TMPRSS15: variants seen among roughly 807,000 people sequenced by gnomAD.
The protein encoded by TMPRSS15 is enteropeptidase.
A neutral mutation model predicts 125.3 loss-of-function variants in TMPRSS15; 128 were observed. That is an observed-to-expected ratio of 1.02 (90% CI 0.89 to 1.18). TMPRSS15 has a LOEUF of 1.18. Ranked by LOEUF, TMPRSS15 falls within the 50% of genes most tolerant of loss-of-function variation. The probability of loss-of-function intolerance (pLI) is 0.00; values close to 1 mark genes in which losing one functional copy is unlikely to be tolerated. For missense variants in TMPRSS15, 1,283 were observed against 1,212.7 expected, an observed-to-expected ratio of 1.06 and a Z score of -0.86; for synonymous variants, 446 against 423.2, an observed-to-expected ratio of 1.05 and a Z score of -0.66.
intron 1 of TMPRSS15, among the ~76,000 whole-genome samples, chr21:18,444,805 C>T (rs2076251254): frequency 6.6e-6 from 1 of 152,106 alleles, no homozygotes; most frequent in Non-Finnish European, 1.5e-5. Context: ...ACATTTTCCT[C>T]CTATTTAACT....
chr21:18,278,973 C>T lies in TMPRSS15; in HGVS notation c.2755G>A (p.Val919Ile). 3 of 755,080 alleles carry T rather than the reference C, an allele frequency of 4.0e-6. No homozygotes were observed. The highest frequency in any genetic ancestry group is 6.2e-6 in the Non-Finnish European group (3 of 485,942). The allele number at this position is 755,080 out of a possible 1,614,324, so 46.8% of individuals were successfully genotyped here. ...GAGTCTGATAATTTACCTTGATATA[C>T]AACCGTCCCCCAACCAGCAATAGAA... ...NCSIAGWGTV[V>I]YQGTTANILQ... The change falls in exon 23 of 25, where the codon GTA becomes ATA. Residue 919 changes from valine to isoleucine, a missense_variant. Val to Ile is a conservative substitution (Grantham distance 29, BLOSUM62 3). Transcript: ENST00000284885.
rs192022515 is a variant in TMPRSS15, at chr21:18,270,030, C to A, written c.2999G>T (p.Arg1000Leu). 2 of 1,613,890 alleles carry A rather than the reference C, an allele frequency of 1.2e-6. No individual in the cohort carries two copies. Among genetic ancestry groups the A allele is most frequent in the Non-Finnish European group, 1.7e-6 (2 of 1,179,894 alleles). ...TGAGACCCTGGCATACACTCCGGGG[C>A]GATTAGGCAGGGCACACTTGTATCC... ...SFGYKCALPN[R>L]PGVYARVSRF... The change falls in exon 25 of 25, where the codon CGC becomes CTC. Residue 1000 changes from arginine to leucine, a missense_variant. Physicochemically the swap from Arg to Leu is moderately radical, Grantham distance 102. Coordinates refer to ENST00000284885, the MANE Select transcript of TMPRSS15 (RefSeq NM_002772.3).
chr21:18,449,898 CA>C lies in TMPRSS15; in HGVS notation c.10+35900del, dbSNP rs1414721741. 6.2e-3 allele frequency among the ~76,000 whole-genome samples: 945 copies of C among 151,476 alleles called. 15 individuals carry two copies. The highest frequency in any genetic ancestry group is 0.022 in the African/African-American group (889 of 41,304). ...ACACGCACACACACACACACACACA[CA>C]CCTATATAAAATGGAAGAATAGCCT... On this transcript the variant is annotated intron_variant, in intron 1 of 7. Coordinates refer to the TMPRSS15 transcript ENST00000422787.
chr21:18,328,412 T>G (rs2075313587), intron 15 of TMPRSS15, among the ~76,000 whole-genome samples: 1 of 152,138 alleles, frequency 6.6e-6, no homozygotes, highest in South Asian at 2.1e-4. Context: ...TAGTTTGAAG[T>G]AAAATAAAAA....
intron 1 of TMPRSS15, among the ~76,000 whole-genome samples, chr21:18,413,360 CT>C (rs373084745): frequency 1.2e-3 from 88 of 73,398 alleles, no homozygotes; most frequent in East Asian, 3.6e-3. Context: ...TCCTTCCTTC[CT>C]TTCCTTCCTT....
intron 16 of TMPRSS15, among the ~76,000 whole-genome samples, chr21:18,323,548 T>C (rs561067140): frequency 1.4e-4 from 21 of 152,116 alleles, no homozygotes; most frequent in Non-Finnish European, 2.8e-4. Context: ...CAAGGTGAGA[T>C]CTGGGTGGGG....
chr21:18,353,121 A>G, intron 9 of TMPRSS15, 69 bp from the exon 10 acceptor site: 2 of 1,371,164 alleles, frequency 1.5e-6, no homozygotes, highest in South Asian at 1.2e-5. Context: ...ATTAGATTGT[A>G]TTGAAAATAA....
intron 5 of TMPRSS15, among the ~76,000 whole-genome samples, chr21:18,374,427 T>C (rs906612100): frequency 6.5e-5 from 9 of 137,474 alleles, no homozygotes; most frequent in East Asian, 2.1e-4. Context: ...GAGCCGAGAT[T>C]GCGCCACTGC....
chr21:18,434,110 A>C (rs926218174), intron 1 of TMPRSS15, among the ~76,000 whole-genome samples: 6 of 152,176 alleles, frequency 3.9e-5, no homozygotes, highest in Non-Finnish European at 7.4e-5. Flanking sequence ...ATGGCTTCAA[A>C]TATTTTATTT....
chr21:18,366,039 A>C (rs77699745), intron 6 of TMPRSS15, among the ~76,000 whole-genome samples: 3,679 of 152,156 alleles, frequency 0.024, 76 homozygotes, highest in Non-Finnish European at 0.041. Flanking sequence ...CATGCCCAAA[A>C]GCATTGTCTT....
At chr21:18,306,999 CATAA>C (rs1359754025) in intron 18 of TMPRSS15, among the ~76,000 whole-genome samples, 1 of 152,158 alleles carries the variant, frequency 6.6e-6, no homozygotes, top group Non-Finnish European at 1.5e-5. Flanking sequence ...ACCCTATCTG[CATAA>C]ATAATCTTGA....
intron 1 of TMPRSS15, among the ~76,000 whole-genome samples, chr21:18,439,521 A>C (rs1455453006): frequency 1.3e-5 from 2 of 152,222 alleles, no homozygotes; most frequent in African/African-American, 4.8e-5. Flanking sequence ...ATCAGAATAT[A>C]AAATATATAG....
At chr21:18,440,141 G>A (rs890909638) in intron 1 of TMPRSS15, among the ~76,000 whole-genome samples, 53 of 151,798 alleles carry the variant, frequency 3.5e-4, no homozygotes, top group Admixed American at 3.3e-3. Flanking sequence ...TTGGGAGGCC[G>A]AGACGGGCGG....
chr21:18,379,227 A>T (rs1157732762), intron 5 of TMPRSS15, 56 bp downstream of exon 5: 5 of 875,060 alleles, frequency 5.7e-6, no homozygotes, highest in Non-Finnish European at 8.0e-6. Flanking sequence ...CCTAAAATAA[A>T]ATGTATAAGA....
At chr21:18,327,660 C>A (rs539940824) in intron 15 of TMPRSS15, among the ~76,000 whole-genome samples, 1 of 152,238 alleles carries the variant, frequency 6.6e-6, no homozygotes, top group African/African-American at 2.4e-5. Context: ...ATCCTGACTG[C>A]ATATCTATTA....
In TMPRSS15 at chr21:18,294,440, A is replaced by T. The variant is rs772960321; in HGVS notation, c.2316T>A (p.Cys772Ter). 3.1e-6 allele frequency: 5 copies of T among 1,614,204 alleles called. No homozygotes were observed. Among genetic ancestry groups the T allele is most frequent in the Non-Finnish European group, 4.2e-6 (5 of 1,180,034 alleles). The change falls in exon 21 of 25, where the codon TGT becomes TGA. Residue 772 changes from cysteine (C) to a stop codon, truncating the protein, a stop_gained. Transcript: ENST00000284885. LOFTEE classifies it high-confidence loss of function. ...LIRLQCNHKS[C>*]GKKLAAQDIT... ...TGTCTTGAGCTGCCAGTTTTTTTCC[A>T]CAAGCTATTAAAATAATTGGAGAAA...
intron 4 of TMPRSS15, among the ~76,000 whole-genome samples, chr21:18,381,476 A>T (rs978227334): frequency 6.6e-6 from 1 of 152,192 alleles, no homozygotes; most frequent in Non-Finnish European, 1.5e-5. Flanking sequence ...ACAAATGGAT[A>T]TTAAACTGAA....
At chr21:18,380,626 A>G in intron 4 of TMPRSS15, 2 of 469,588 alleles carry the variant, frequency 4.3e-6, no homozygotes, top group South Asian at 3.1e-5. Flanking sequence ...AGTTTATGAT[A>G]TAAATACATT....
chr21:18,463,541 G>A (rs912798838), intron 1 of TMPRSS15, among the ~76,000 whole-genome samples: 2 of 151,456 alleles, frequency 1.3e-5, no homozygotes, highest in African/African-American at 2.4e-5. Context: ...TAGAGAGATC[G>A]AGACAGAAAA....
Sources: allele counts gnomAD v4.1 joint callset (sites outside exome capture counted in the v4.1 genomes callset), GRCh38; gene constraint gnomAD v4.1.1; transcripts MANE v1.5; gene names NCBI Gene and HGNC (gene_info 2026-07-23, HGNC 2026-07-21).